The following SCHIP1 variants were observed in gnomAD, a reference collection of about 807,000 sequenced individuals.
SCHIP1 encodes schwannomin-interacting protein 1.
Under a neutral mutation model 29.7 loss-of-function variants are expected in SCHIP1, and 8 were observed. That is an observed-to-expected ratio of 0.27 (90% CI 0.16 to 0.49). SCHIP1 has a LOEUF of 0.49. SCHIP1 is among the 20% of genes least tolerant of loss of function. The pLI is 0.99. For missense variants in SCHIP1, 193 were observed against 294.6 expected, an observed-to-expected ratio of 0.66 and a Z score of 2.52; for synonymous variants, 76 against 94.9, an observed-to-expected ratio of 0.80 and a Z score of 1.16.
At chr3:159,553,967 CGTGTGTGTGTGTGTGTGTGT>C in the SCHIP1 span, among the ~76,000 whole-genome samples, 216 of 115,798 alleles carry the variant, frequency 1.9e-3, no homozygotes, top group Middle Eastern at 0.02. Flanking sequence ...CGCCCAGCTA[CGTGTGTGTGTGTGTGTGTGT>C]GTGTGTGTGT....
the SCHIP1 span, among the ~76,000 whole-genome samples, chr3:159,624,720 G>A: frequency 1.3e-5 from 2 of 152,126 alleles, no homozygotes; most frequent in South Asian, 4.1e-4. Context: ...GGCTAAGGAA[G>A]CAATCTTGAG....
the SCHIP1 span, among the ~76,000 whole-genome samples, chr3:159,283,066 A>G: frequency 6.6e-6 from 1 of 152,204 alleles, no homozygotes. Flanking sequence ...CGCTGTGTAG[A>G]TAAATAAATA....
At chr3:159,630,602 C>T in the SCHIP1 span, among the ~76,000 whole-genome samples, 7 of 149,902 alleles carry the variant, frequency 4.7e-5, no homozygotes, top group African/African-American at 1.8e-4. Context: ...AAACATCATA[C>T]GTTCTCACTC....
chr3:159,840,319 A>G (rs573574733), intron 1 of SCHIP1: 165 of 989,776 alleles, frequency 1.7e-4, no homozygotes, highest in Non-Finnish European at 2.5e-4. Flanking sequence ...GGATTTTGCC[A>G]TCTTCCGCGC....
At chr3:159,619,220 A>G in the SCHIP1 span, among the ~76,000 whole-genome samples, 1 of 152,240 alleles carries the variant, frequency 6.6e-6, no homozygotes, top group Non-Finnish European at 1.5e-5. Context: ...AGAAAAAAAG[A>G]AAACATCCAT....
At chr3:159,311,305 CCA>C in the SCHIP1 span, among the ~76,000 whole-genome samples, 2 of 152,138 alleles carry the variant, frequency 1.3e-5, no homozygotes, top group Middle Eastern at 3.4e-3. Context: ...AGAATTACCC[CCA>C]GTTTGCCAGT....
chr3:159,565,294 C>G, the SCHIP1 span, among the ~76,000 whole-genome samples: 2 of 152,162 alleles, frequency 1.3e-5, no homozygotes, highest in Non-Finnish European at 2.9e-5. Context: ...ATGATGTGCT[C>G]ATAATCAGCC....
At chr3:159,370,834 C>A in the SCHIP1 span, among the ~76,000 whole-genome samples, 1 of 152,130 alleles carries the variant, frequency 6.6e-6, no homozygotes, top group Non-Finnish European at 1.5e-5. Flanking sequence ...AGTTTTCAGG[C>A]CTTCAGAATC....
At chr3:159,370,600 T>A in the SCHIP1 span, among the ~76,000 whole-genome samples, 7 of 152,302 alleles carry the variant, frequency 4.6e-5, no homozygotes, top group Admixed American at 2.6e-4. Context: ...TCTTTCTGAG[T>A]GAGTAGACTG....
the SCHIP1 span, among the ~76,000 whole-genome samples, chr3:159,377,381 G>A: frequency 1.3e-5 from 2 of 152,186 alleles, no homozygotes; most frequent in South Asian, 2.1e-4. Flanking sequence ...GGTTCTATAG[G>A]TTTACTCCAG....
the SCHIP1 span, among the ~76,000 whole-genome samples, chr3:159,331,367 C>T: frequency 2.0e-5 from 3 of 152,086 alleles, no homozygotes; most frequent in Admixed American, 2.0e-4. Flanking sequence ...TTCGGATGTC[C>T]CTCCCACAAA....
chr3:159,742,641 G>C, the SCHIP1 span, among the ~76,000 whole-genome samples: 1 of 151,618 alleles, frequency 6.6e-6, no homozygotes, highest in Admixed American at 6.6e-5. Flanking sequence ...ACCTTATTCT[G>C]ATTCATTTTG....
chr3:159,482,653 A>G, the SCHIP1 span, among the ~76,000 whole-genome samples: 3 of 152,212 alleles, frequency 2.0e-5, no homozygotes, highest in Non-Finnish European at 4.4e-5. Context: ...TGCACACTTT[A>G]GCTACTAAGG....
chr3:159,278,784 C>T, the SCHIP1 span, among the ~76,000 whole-genome samples: 23 of 152,102 alleles, frequency 1.5e-4, no homozygotes, highest in Non-Finnish European at 3.1e-4. Context: ...TATGCTGTAA[C>T]GAAGGGATCC....
At chr3:159,837,082 A>G (rs1376289721), upstream of SCHIP1, among the ~76,000 whole-genome samples, 1 of 151,886 alleles carries the variant, frequency 6.6e-6, no homozygotes, top group Non-Finnish European at 1.5e-5. Context: ...ATGGAACAGC[A>G]ACTGTGAAGA....
At chr3:159,370,451 A>C in the SCHIP1 span, among the ~76,000 whole-genome samples, 2 of 152,236 alleles carry the variant, frequency 1.3e-5, no homozygotes. Flanking sequence ...AATAACCATC[A>C]AACATACTAT....
the SCHIP1 span, among the ~76,000 whole-genome samples, chr3:159,635,592 C>T: frequency 6.6e-6 from 1 of 151,916 alleles, no homozygotes; most frequent in Non-Finnish European, 1.5e-5. Context: ...ACCATGTTTC[C>T]TCTGGATGAG....
At chr3:159,785,641 TG>T in the SCHIP1 span, among the ~76,000 whole-genome samples, 1 of 151,134 alleles carries the variant, frequency 6.6e-6, no homozygotes, top group African/African-American at 2.4e-5. Context: ...ATGCTTGAGG[TG>T]TCAGATTCAA....
At chr3:159,331,013 C>T in the SCHIP1 span, among the ~76,000 whole-genome samples, 1 of 152,166 alleles carries the variant, frequency 6.6e-6, no homozygotes, top group African/African-American at 2.4e-5. Flanking sequence ...TCAATGCTTC[C>T]ATGCCTATTA....
Sources: gnomAD v4.1 joint callset for allele counts (sites outside exome capture counted in the v4.1 genomes callset) on GRCh38, gnomAD v4.1.1 for gene constraint, MANE v1.5 for transcripts, NCBI Gene and HGNC (gene_info 2026-07-23, HGNC 2026-07-21) for gene names.